The following FAM184B variants were observed in gnomAD, a reference collection of about 807,000 sequenced individuals.
The protein encoded by FAM184B is protein FAM184B.
In FAM184B, 111 loss-of-function variants were observed where a neutral mutation model predicts 135.9. The ratio of observed to expected loss-of-function variants is 0.82; its 90% CI spans 0.70 to 0.96. FAM184B has a LOEUF of 0.96. Ranked by LOEUF, FAM184B falls within the 40% of genes least tolerant of loss-of-function variation. The pLI is 0.00. For missense variants in FAM184B, 1,375 were observed against 1,323.9 expected, an observed-to-expected ratio of 1.04 and a Z score of -0.60; for synonymous variants, 552 against 524.8, an observed-to-expected ratio of 1.05 and a Z score of -0.71.
Position 17,643,406 on chromosome 4 carries a change from T to TA in FAM184B, c.2347-1179_2347-1178insT, listed in dbSNP as rs139688381. Among the ~76,000 whole-genome samples, 599 of 152,220 alleles carry TA rather than the reference T, an allele frequency of 3.9e-3. 4 individuals carry two copies. The highest frequency in any genetic ancestry group is 0.013 in the African/African-American group (539 of 41,534). On this transcript the variant is annotated intron_variant, in intron 12 of 17. Coordinates refer to ENST00000265018, the MANE Select transcript of FAM184B (RefSeq NM_015688.2). ...CTTTCCTTCTAGAGGGTTCAGGGCT[T>TA]CCCTCCTATGGGGCAAAGGTGAGGG...
intron 1 of FAM184B, among the ~76,000 whole-genome samples, chr4:17,774,918 G>A (rs1718892656): frequency 6.6e-6 from 1 of 151,018 alleles, no homozygotes; most frequent in South Asian, 2.1e-4. Context: ...TGCTTTGAGA[G>A]TAAGGCATCA....
chr4:17,676,718 A>G (rs1716317103), intron 7 of FAM184B, among the ~76,000 whole-genome samples: 1 of 152,228 alleles, frequency 6.6e-6, no homozygotes, highest in Non-Finnish European at 1.5e-5. Context: ...TAGCCATTGT[A>G]AAGATGTAGT....
intron 5 of FAM184B, among the ~76,000 whole-genome samples, chr4:17,701,886 T>C (rs1240096804): frequency 6.6e-6 from 1 of 152,226 alleles, no homozygotes; most frequent in Non-Finnish European, 1.5e-5. Flanking sequence ...TGGCCATATA[T>C]GACTAGGGAG....
At chr4:17,698,518 G>A (rs747475670) in intron 5 of FAM184B, among the ~76,000 whole-genome samples, 1 of 152,086 alleles carries the variant, frequency 6.6e-6, no homozygotes, top group African/African-American at 2.4e-5. Flanking sequence ...TTAATTATTT[G>A]GTATATATTT....
chr4:17,647,807 C>T lies in FAM184B; in HGVS notation c.2192-16G>A. ...CTGAGCGACTCTGGAAAAGGGAGAG[C>T]AGCAGTGAGTTAGGCGTTGGGTCTA... is the stretch of plus-strand genomic sequence containing the variant. On this transcript the variant is annotated splice_polypyrimidine_tract_variant and intron_variant, in intron 11 of 17. Transcript: ENST00000265018. 1 of 1,546,936 alleles carries T rather than the reference C, an allele frequency of 6.5e-7. No individual in the cohort carries two copies. The highest frequency in any genetic ancestry group is 1.2e-5 in the South Asian group (1 of 83,910).
chr4:17,757,567 A>T lies in FAM184B; in HGVS notation c.141+23592T>A, dbSNP rs532440158. On this transcript the variant is annotated intron_variant, in intron 1 of 17. Coordinates refer to ENST00000265018, the MANE Select transcript of FAM184B (RefSeq NM_015688.2). Reference sequence around the variant, plus strand: ...CTTATCTTTCAGAGACATACACTGAAATATTTATGGATGAAATACTTCTGA... The same window carrying T: ...CTTATCTTTCAGAGACATACACTGATATATTTATGGATGAAATACTTCTGA... Among the ~76,000 whole-genome samples, 433 of 152,292 alleles carry T rather than the reference A, an allele frequency of 2.8e-3. 3 individuals are homozygous for T. Among genetic ancestry groups the T allele is most frequent in the African/African-American group, 9.6e-3 (397 of 41,548 alleles).
chr4:17,647,706 C>G lies in FAM184B; in HGVS notation c.2277G>C (p.Arg759Ser). ...TGCTGGCTTGCTGTCTGCCCAGAGC[C>G]CTCAGCTCGGCCTGCAGTGCCTCCA... is the stretch of plus-strand genomic sequence containing the variant. Reference protein sequence around the residue: ...KDLEALQAELRALGRQQASSQ... With the variant: ...KDLEALQAELSALGRQQASSQ... Residue 759 changes from arginine (R) to serine (S), a missense_variant, in exon 12 of 18, where the codon AGG (arginine) becomes AGC (serine). Physicochemically the swap from Arg to Ser is moderately radical, Grantham distance 110. Coordinates refer to ENST00000265018, the MANE Select transcript of FAM184B (RefSeq NM_015688.2). The G allele has an allele frequency of 6.4e-7, 1 of 1,551,104 alleles. No individual in the cohort carries two copies. The highest frequency in any genetic ancestry group is 8.7e-7 in the Non-Finnish European group (1 of 1,147,004).
intron 5 of FAM184B, among the ~76,000 whole-genome samples, chr4:17,703,552 A>G (rs1396783910): frequency 6.6e-6 from 1 of 152,228 alleles, no homozygotes; most frequent in East Asian, 1.9e-4. Flanking sequence ...AACTTTCATT[A>G]CATGTTTGCA....
In FAM184B at chr4:17,705,055, A is replaced by C. The variant is rs1717074876; in HGVS notation, c.1322T>G (p.Val441Gly). ...GGACGAGCGAACGGATTTGATTTCCACGGTGTGCTTCTTTACCAAGTCTTC... is the reference window on the plus strand; with the variant it reads ...GGACGAGCGAACGGATTTGATTTCCCCGGTGTGCTTCTTTACCAAGTCTTC... ...RLEDLVKKHT[V>G]EIKSVRSSVE... The change falls in exon 5 of 18, where the codon GTG (valine) becomes GGG (glycine). Residue 441 changes from valine (V) to glycine (G), a missense_variant. Transcript: ENST00000265018. 1 of 1,551,596 alleles carries C rather than the reference A, an allele frequency of 6.4e-7. No individual in the cohort carries two copies.
intron 7 of FAM184B, among the ~76,000 whole-genome samples, chr4:17,671,407 T>C (rs899125747): frequency 3.3e-5 from 5 of 152,130 alleles, no homozygotes; most frequent in Admixed American, 2.0e-4. Flanking sequence ...GTAGATACCA[T>C]AGCTCCTCCT....
At chr4:17,676,542 G>C (rs2108950312) in intron 7 of FAM184B, among the ~76,000 whole-genome samples, 1 of 152,282 alleles carries the variant, frequency 6.6e-6, no homozygotes, top group Middle Eastern at 3.4e-3. Context: ...ATAGACTGTA[G>C]TATAGTGTAA....
chr4:17,692,169 G>C (rs1257296738), intron 6 of FAM184B, among the ~76,000 whole-genome samples: 2 of 152,140 alleles, frequency 1.3e-5, no homozygotes. Flanking sequence ...CTTCAACAGG[G>C]CGAGAGGAAG....
intron 1 of FAM184B, among the ~76,000 whole-genome samples, chr4:17,747,256 C>T (rs1362724457): frequency 6.6e-6 from 1 of 151,888 alleles, no homozygotes; most frequent in East Asian, 1.9e-4. Context: ...AATTTGTCCC[C>T]CAGGTGGCAA....
intron 1 of FAM184B, among the ~76,000 whole-genome samples, chr4:17,760,333 G>A (rs1162611277): frequency 5.3e-5 from 8 of 151,948 alleles, no homozygotes; most frequent in Admixed American, 1.3e-4. Flanking sequence ...CATTGGTGGC[G>A]TGTGCCTGTA....
At chr4:17,715,876 A>C (rs548742597) in intron 1 of FAM184B, among the ~76,000 whole-genome samples, 23 of 152,304 alleles carry the variant, frequency 1.5e-4, no homozygotes, top group African/African-American at 5.5e-4. Flanking sequence ...AGAGCCGTTA[A>C]GTCATTTCTG....
In FAM184B at chr4:17,745,998, G is replaced by A. The variant is rs137869339; in HGVS notation, c.141+35161C>T. 4.3e-3 allele frequency among the ~76,000 whole-genome samples: 655 copies of A among 152,040 alleles called. 3 individuals carry two copies. The highest frequency in any genetic ancestry group is 0.014 in the African/African-American group (570 of 41,482). ...TTTTGAAACAGAGTCTCACTCTGTC[G>A]CCCAGACTGGAGTGCACTGGTACAA... On this transcript the variant is annotated intron_variant, in intron 1 of 17. Coordinates refer to ENST00000265018, the MANE Select transcript of FAM184B (RefSeq NM_015688.2).
intron 7 of FAM184B, among the ~76,000 whole-genome samples, chr4:17,669,973 T>A (rs1164933737): frequency 6.6e-6 from 1 of 152,232 alleles, no homozygotes; most frequent in African/African-American, 2.4e-5. Flanking sequence ...TTTTTTCCTA[T>A]CTATAGGAAC....
At chr4:17,745,446 C>T (rs1243522465) in intron 1 of FAM184B, among the ~76,000 whole-genome samples, 3 of 152,172 alleles carry the variant, frequency 2.0e-5, no homozygotes, top group Admixed American at 6.5e-5. Context: ...CCTTAGGTAC[C>T]GCGGCCGGGC....
chr4:17,703,972 C>T (rs927620312), intron 5 of FAM184B, among the ~76,000 whole-genome samples: 5 of 151,954 alleles, frequency 3.3e-5, no homozygotes, highest in East Asian at 1.9e-4. Flanking sequence ...ATCAGGCTGC[C>T]GAGAGGTTAT....
Sources: allele counts gnomAD v4.1 joint callset (sites outside exome capture counted in the v4.1 genomes callset), GRCh38; gene constraint gnomAD v4.1.1; transcripts MANE v1.5; gene names NCBI Gene and HGNC (gene_info 2026-07-23, HGNC 2026-07-21).